The following TIMP2 variants were observed in gnomAD, a reference collection of about 807,000 sequenced individuals.
The protein encoded by TIMP2 is TIMP metallopeptidase inhibitor 2.
TIMP2 carries 5 observed loss-of-function variants against 24.3 expected under a neutral mutation model. The observed-to-expected ratio is 0.21, with a 90% confidence interval of 0.11 to 0.43. The LOEUF is 0.43. Ranked by LOEUF, TIMP2 falls within the 20% of genes least tolerant of loss-of-function variation. TIMP2 has a pLI of 1.00. For missense variants in TIMP2, 221 were observed against 297.5 expected, an observed-to-expected ratio of 0.74 and a Z score of 1.89; for synonymous variants, 130 against 123.2, an observed-to-expected ratio of 1.06 and a Z score of -0.37.
chr17:78,900,333 G>A (rs115243328), intron 1 of TIMP2, among the ~76,000 whole-genome samples: 3,430 of 152,148 alleles, frequency 0.023, 125 homozygotes, highest in African/African-American at 0.079. Context: ...ATCACCTCAC[G>A]ACAGGAGTTC....
Position 78,853,099 on chromosome 17 carries a change from C to T in TIMP2, c.*2568G>A, listed in dbSNP as rs14526. On this transcript the variant is annotated 3_prime_UTR_variant, in exon 5 of 5. Transcript: ENST00000262768. ...AACAACTCTTGTGTGTTCCCAGCACCGGAAGGTCTCAGACTTCATATTCCA... is the reference window on the plus strand; with the variant it reads ...AACAACTCTTGTGTGTTCCCAGCACTGGAAGGTCTCAGACTTCATATTCCA... 3 of 152,612 alleles carry T rather than the reference C, an allele frequency of 2.0e-5. No homozygotes were observed. Among genetic ancestry groups the T allele is most frequent in the African/African-American group, 7.2e-5 (3 of 41,438 alleles). 9.5% of individuals were successfully genotyped at this position (152,612 alleles called of 1,614,324 possible). A position where few individuals can be genotyped will look rare whatever the true frequency, so the allele number is the denominator to read the frequency against.
intron 3 of TIMP2, among the ~76,000 whole-genome samples, chr17:78,867,740 C>T (rs1014472141): frequency 7.2e-5 from 11 of 151,760 alleles, no homozygotes; most frequent in African/African-American, 2.4e-4. Context: ...GGACTACAGG[C>T]GCCCGCCACC....
chr17:78,882,731 C>A (rs1183401288), intron 1 of TIMP2, among the ~76,000 whole-genome samples: 1 of 152,252 alleles, frequency 6.6e-6, no homozygotes, highest in Admixed American at 6.5e-5. Context: ...CTGCTCTAGT[C>A]CTCTAGGTTT....
At position 78,891,881 on chromosome 17, in the gene TIMP2, T is replaced by C; in HGVS notation, c.131-17962A>G. The C allele has an allele frequency of 6.4e-7, 1 of 1,550,582 alleles. No homozygotes were observed. Among genetic ancestry groups the C allele is most frequent in the Non-Finnish European group, 8.7e-7 (1 of 1,146,982 alleles). On this transcript the variant is annotated intron_variant, in intron 1 of 4. Coordinates refer to ENST00000262768, the MANE Select transcript of TIMP2 (RefSeq NM_003255.5). The surrounding 1 kb of genome is among the most constrained non-coding windows in gnomAD (Gnocchi z 4.5). ...GTGAGAATTCATCCGACCCGTGGCT[T>C]TTGTAGTCTGTGGTTTCTCTGGACT...
intron 1 of TIMP2, among the ~76,000 whole-genome samples, chr17:78,900,628 C>T (rs1053496013): frequency 6.6e-6 from 1 of 152,140 alleles, no homozygotes; most frequent in African/African-American, 2.4e-5. Flanking sequence ...ACTGCCTGAG[C>T]TTTCACACCT....
chr17:78,862,356 C>T (rs1248289766), intron 3 of TIMP2, among the ~76,000 whole-genome samples: 1 of 152,188 alleles, frequency 6.6e-6, no homozygotes, highest in African/African-American at 2.4e-5. Flanking sequence ...AAATAAATGC[C>T]AGATTCAATG....
chr17:78,871,911 C>T (rs983009674), intron 2 of TIMP2, among the ~76,000 whole-genome samples: 2 of 152,026 alleles, frequency 1.3e-5, no homozygotes, highest in African/African-American at 4.8e-5. Flanking sequence ...TCCCTCACCC[C>T]CCACCCCAAA....
chr17:78,899,501 C>T (rs2070056236), intron 1 of TIMP2: 1 of 152,240 alleles, frequency 6.6e-6, no homozygotes, highest in South Asian at 2.1e-4. Context: ...AGATCCTATC[C>T]CAGCCCCTGC....
intron 1 of TIMP2, among the ~76,000 whole-genome samples, chr17:78,911,270 C>T (rs2070204503): frequency 6.6e-6 from 1 of 152,084 alleles, no homozygotes; most frequent in Non-Finnish European, 1.5e-5. Context: ...AAAGGGGAAG[C>T]TGGTCTTCCT....
In TIMP2 at chr17:78,896,005, G is replaced by A. The variant is rs975425817; in HGVS notation, c.131-22086C>T. 2.0e-5 allele frequency among the ~76,000 whole-genome samples: 3 copies of A among 152,266 alleles called. No individual in the cohort carries two copies. Among genetic ancestry groups the A allele is most frequent in the Admixed American group, 2.0e-4 (3 of 15,294 alleles). On this transcript the variant is annotated intron_variant, in intron 1 of 4. Transcript: ENST00000262768. The surrounding 1 kb of genome is among the most constrained non-coding windows in gnomAD (Gnocchi z 4.4). Reference sequence around the variant, plus strand: ...CTGGCGTGGGCATCCCAATGAAGCAGCGTCAGTTTTCCTGGAGACACGCAA... The same window carrying A: ...CTGGCGTGGGCATCCCAATGAAGCAACGTCAGTTTTCCTGGAGACACGCAA...
intron 1 of TIMP2, among the ~76,000 whole-genome samples, chr17:78,921,471 T>C (rs1285510427): frequency 2.0e-5 from 3 of 152,142 alleles, no homozygotes; most frequent in African/African-American, 7.2e-5. Context: ...GCTTTACCCT[T>C]GAGTCCAGAA....
At chr17:78,918,685 A>G (rs1320074110) in intron 1 of TIMP2, among the ~76,000 whole-genome samples, 2 of 152,064 alleles carry the variant, frequency 1.3e-5, no homozygotes. Context: ...AAGCACTCAC[A>G]ATATCAGATA....
At position 78,924,472 on chromosome 17, in the gene TIMP2, C is replaced by T. The variant is rs956935078; in HGVS notation, c.130+487G>A. 2.0e-5 allele frequency among the ~76,000 whole-genome samples: 3 copies of T among 152,180 alleles called. No individual in the cohort carries two copies. The highest frequency in any genetic ancestry group is 2.1e-4 in the South Asian group (1 of 4,828). Reference sequence around the variant, plus strand: ...ATCCCACCCTGGCTTGATCGGGGAGCCCCCAAATGGGGCTGGTGGGAGAAG... The same window carrying T: ...ATCCCACCCTGGCTTGATCGGGGAGTCCCCAAATGGGGCTGGTGGGAGAAG... On this transcript the variant is annotated intron_variant, in intron 1 of 4. Coordinates refer to ENST00000262768, the MANE Select transcript of TIMP2 (RefSeq NM_003255.5). The surrounding 1 kb of genome is among the most constrained non-coding windows in gnomAD (Gnocchi z 5.3).
At chr17:78,908,804 A>G (rs8072144) in intron 1 of TIMP2, among the ~76,000 whole-genome samples, 76,880 of 152,118 alleles carry the variant, frequency 0.51, 19,489 homozygotes, top group Middle Eastern at 0.6. Flanking sequence ...CCTGCCCTGG[A>G]GCCAACTGGG....
At position 78,873,903 on chromosome 17, in the gene TIMP2, C is replaced by T. The variant is rs146970059; in HGVS notation, c.147G>A (p.Ala49=). 67 of 1,613,140 alleles carry T rather than the reference C, an allele frequency of 4.2e-5. No homozygotes were observed. Among genetic ancestry groups the T allele is most frequent in the African/African-American group, 2.7e-4 (20 of 74,864 alleles). ...CNADVVIRAK[A]VSEKEVDSGN... is the part of the protein sequence containing the mutation. The stretch of plus-strand genomic sequence containing the variant: ...CAGAGTCCACTTCCTTCTCACTGAC[C>T]GCTTTGGCCCTGATCACTGCAAAAC... Residue 49 remains alanine (A), a synonymous_variant, in exon 2 of 5, where the codon GCG becomes GCA. Coordinates refer to ENST00000262768, the MANE Select transcript of TIMP2 (RefSeq NM_003255.5).
At chr17:78,893,249 G>C (rs113792132) in intron 1 of TIMP2, among the ~76,000 whole-genome samples, 14 of 146,756 alleles carry the variant, frequency 9.5e-5, no homozygotes, top group African/African-American at 3.6e-4. Context: ...GTGTGTAGGA[G>C]TGTGTGTGCA....
In TIMP2 at chr17:78,924,726, A is replaced by C. The variant is rs1415408088; in HGVS notation, c.130+233T>G. Among the ~76,000 whole-genome samples, 1 of 151,962 alleles carries C rather than the reference A, an allele frequency of 6.6e-6. No individual in the cohort carries two copies. Among genetic ancestry groups the C allele is most frequent in the Non-Finnish European group, 1.5e-5 (1 of 67,972 alleles). On this transcript the variant is annotated intron_variant, in intron 1 of 4. Coordinates refer to ENST00000262768, the MANE Select transcript of TIMP2 (RefSeq NM_003255.5). This position sits in a 1 kb window ranked among gnomAD's most constrained non-coding sequence, Gnocchi z 5.3. ...GGAGCTGCGGCGGAATTTCGGTGGA[A>C]TTTTGAGGTTGAGACGCATCTCGGC...
intron 1 of TIMP2, among the ~76,000 whole-genome samples, chr17:78,911,554 AG>A (rs2070207474): frequency 6.6e-6 from 1 of 151,996 alleles, no homozygotes; most frequent in Non-Finnish European, 1.5e-5. Context: ...CAGCCTCCCG[AG>A]TAGCTGGGAT....
intron 1 of TIMP2, among the ~76,000 whole-genome samples, chr17:78,883,522 G>A (rs958438872): frequency 1.3e-5 from 2 of 152,204 alleles, no homozygotes; most frequent in African/African-American, 4.8e-5. Context: ...GTAACAGGGT[G>A]CACAACAGAG....
Sources: gnomAD v4.1 joint callset for allele counts (sites outside exome capture counted in the v4.1 genomes callset) on GRCh38, gnomAD v4.1.1 for gene constraint, Gnocchi (gnomAD v3.1) non-coding constraint, MANE v1.5 for transcripts, NCBI Gene and HGNC (gene_info 2026-07-23, HGNC 2026-07-21) for gene names.